The following LYPD6B variants were observed in gnomAD, a reference collection of about 807,000 sequenced individuals.
LYPD6B encodes LY6/PLAUR domain containing 6B.
LYPD6B carries 17 observed loss-of-function variants against 22.8 expected under a neutral mutation model. The observed-to-expected ratio is 0.75, with a 90% CI of 0.51 to 1.12. LYPD6B has a LOEUF of 1.12. Among genes scored for constraint, LYPD6B ranks in the 50% most tolerant of loss-of-function variants. LYPD6B has a pLI of 0.00. For missense variants in LYPD6B, 221 were observed against 258.3 expected, an observed-to-expected ratio of 0.86 and a Z score of 0.99; for synonymous variants, 106 against 91.6, an observed-to-expected ratio of 1.16 and a Z score of -0.90.
At chr2:149,042,383 T>C (rs1174878197) in intron 1 of LYPD6B, among the ~76,000 whole-genome samples, 1 of 152,230 alleles carries the variant, frequency 6.6e-6, no homozygotes, top group Non-Finnish European at 1.5e-5. Context: ...CAACCAAGGA[T>C]GCCGCTTCTC....
In LYPD6B at chr2:149,050,487, G is replaced by C. The variant is rs552403971; in HGVS notation, c.-67+11686G>C. On this transcript the variant is annotated intron_variant, in intron 1 of 6. Coordinates refer to ENST00000409642, the MANE Select transcript of LYPD6B (RefSeq NM_177964.5). Reference sequence around the variant, plus strand: ...TGCATTTTGGGACTATTTCACTAGGGTGAAAAACAGAAAATGAAGTACATT... The same window carrying C: ...TGCATTTTGGGACTATTTCACTAGGCTGAAAAACAGAAAATGAAGTACATT... Among the ~76,000 whole-genome samples the C allele has an allele frequency of 3.3e-5, 5 of 152,228 alleles. No individual in the cohort carries two copies. The East Asian group carries it at 9.6e-4, about 29-fold the overall frequency.
At chr2:149,092,334 T>C (rs1351461753) in intron 1 of LYPD6B, among the ~76,000 whole-genome samples, 2 of 152,084 alleles carry the variant, frequency 1.3e-5, no homozygotes, top group African/African-American at 2.4e-5. Context: ...GTAGGCTCTG[T>C]GAATGTGGTG....
chr2:149,188,069 C>T (rs1692238129), intron 3 of LYPD6B, among the ~76,000 whole-genome samples: 1 of 152,150 alleles, frequency 6.6e-6, no homozygotes, highest in African/African-American at 2.4e-5. Context: ...GATTCAATGA[C>T]TAGGGAAGCA....
At chr2:149,057,879 T>C (rs1346242630) in intron 1 of LYPD6B, among the ~76,000 whole-genome samples, 1 of 152,182 alleles carries the variant, frequency 6.6e-6, no homozygotes, top group Non-Finnish European at 1.5e-5. Flanking sequence ...CCCTGTGATG[T>C]GTGATGAATG....
intron 3 of LYPD6B, among the ~76,000 whole-genome samples, chr2:149,191,272 C>T (rs1350349960): frequency 6.6e-6 from 1 of 151,892 alleles, no homozygotes; most frequent in African/African-American, 2.4e-5. Flanking sequence ...AAGATAACAA[C>T]AATTCTTTAA....
At chr2:149,100,186 A>T (rs757552437) in intron 1 of LYPD6B, among the ~76,000 whole-genome samples, 3 of 152,080 alleles carry the variant, frequency 2.0e-5, no homozygotes, top group Admixed American at 6.6e-5. Context: ...ATCATCGAAC[A>T]TAGCCCCTTG....
At chr2:149,075,639 C>A (rs1311727244) in intron 1 of LYPD6B, among the ~76,000 whole-genome samples, 1 of 152,074 alleles carries the variant, frequency 6.6e-6, no homozygotes, top group Non-Finnish European at 1.5e-5. Flanking sequence ...TTAGAAGAAC[C>A]TATAACTAAT....
intron 4 of LYPD6B, 116 bp downstream of exon 4, chr2:149,205,520 A>AG: frequency 5.4e-6 from 6 of 1,104,852 alleles, no homozygotes; most frequent in Non-Finnish European, 6.5e-6. Flanking sequence ...TTTTATCCCT[A>AG]GAATAAAACA....
At chr2:149,056,779 TG>T (rs1392670417) in intron 1 of LYPD6B, among the ~76,000 whole-genome samples, 1 of 152,192 alleles carries the variant, frequency 6.6e-6, no homozygotes, top group African/African-American at 2.4e-5. Context: ...ATCTTCAATA[TG>T]ACTCGTCTAG....
intron 2 of LYPD6B, among the ~76,000 whole-genome samples, chr2:149,150,010 C>T (rs949325726): frequency 2.0e-5 from 3 of 152,166 alleles, no homozygotes; most frequent in Non-Finnish European, 4.4e-5. Flanking sequence ...TATCAAAAGG[C>T]TCTAGTTAAA....
Position 149,160,786 on chromosome 2 carries a change from CT to C in LYPD6B, c.32del (p.Phe11SerfsTer8). On this transcript the variant is annotated frameshift_variant, in exon 3 of 7. Coordinates refer to ENST00000409642, the MANE Select transcript of LYPD6B (RefSeq NM_177964.5). LOFTEE classifies it high-confidence loss of function. ...TAGGCTGATTACTCTGAGTGCAAAC[CT>C]TTTCACTGTTCCAGAGAGGAGCCTG... MLLITLSAN[L>X]FTVPERSLTT... The C allele has an allele frequency of 6.4e-7, 1 of 1,556,332 alleles. No individual in the cohort carries two copies.
intron 3 of LYPD6B, among the ~76,000 whole-genome samples, chr2:149,169,487 T>A (rs1409550822): frequency 3.3e-5 from 5 of 152,210 alleles, no homozygotes; most frequent in Non-Finnish European, 5.9e-5. Flanking sequence ...CTGTTCCTTG[T>A]CAACATATGT....
chr2:149,199,978 G>A (rs1279518324), intron 3 of LYPD6B, among the ~76,000 whole-genome samples: 1 of 152,192 alleles, frequency 6.6e-6, no homozygotes, highest in Non-Finnish European at 1.5e-5. Context: ...CAAGTAAATG[G>A]TAAACTTTTC....
At chr2:149,169,901 C>G (rs1246443907) in intron 3 of LYPD6B, among the ~76,000 whole-genome samples, 2 of 152,316 alleles carry the variant, frequency 1.3e-5, no homozygotes, top group Admixed American at 6.5e-5. Flanking sequence ...TACCACTCCC[C>G]CTGAGTCATC....
intron 3 of LYPD6B, among the ~76,000 whole-genome samples, chr2:149,173,425 A>T (rs1411256004): frequency 7.5e-6 from 1 of 132,934 alleles, no homozygotes; most frequent in Non-Finnish European, 1.5e-5. Flanking sequence ...TTGTGCCATC[A>T]GTAAGTTTGA....
chr2:149,170,284 T>C (rs1207686781), intron 3 of LYPD6B, among the ~76,000 whole-genome samples: 3 of 152,226 alleles, frequency 2.0e-5, no homozygotes, highest in Admixed American at 2.0e-4. Context: ...AGTAAACCTT[T>C]TTTCAGGCCT....
chr2:149,214,190 G>C (rs1425781179), intron 6 of LYPD6B, among the ~76,000 whole-genome samples: 2 of 152,152 alleles, frequency 1.3e-5, no homozygotes, highest in Admixed American at 1.3e-4. Flanking sequence ...TAATCCGAAA[G>C]GTTCCTAGCT....
At chr2:149,059,787 C>T (rs551553205) in intron 1 of LYPD6B, among the ~76,000 whole-genome samples, 1 of 152,188 alleles carries the variant, frequency 6.6e-6, no homozygotes, top group Non-Finnish European at 1.5e-5. Context: ...GTCCTTAGTG[C>T]TCTGTAGAGA....
Position 149,213,118 on chromosome 2 carries a change from A to G in LYPD6B, c.455A>G (p.His152Arg), listed in dbSNP as rs958711409. ...VGCHHSRDSE[H>R]TECRSCCEGM... is the part of the protein sequence containing the mutation. ...TGCCACCACAGCCGAGATTCTGAAC[A>G]TACGGTAAGGATCGTGTGTGTGTGT... Residue 152 changes from histidine to arginine, a missense_variant, in exon 6 of 7, where the codon CAT (histidine) becomes CGT (arginine). By Grantham distance (29) the His-to-Arg change is conservative. Coordinates refer to ENST00000409642, the MANE Select transcript of LYPD6B (RefSeq NM_177964.5). 6.2e-7 allele frequency: 1 copy of G among 1,612,158 alleles called. No individual in the cohort carries two copies. Among genetic ancestry groups the G allele is most frequent in the Non-Finnish European group, 8.5e-7 (1 of 1,179,104 alleles).
Sources: gnomAD v4.1 joint callset for allele counts (sites outside exome capture counted in the v4.1 genomes callset) on GRCh38, gnomAD v4.1.1 for gene constraint, MANE v1.5 for transcripts, NCBI Gene and HGNC (gene_info 2026-07-23, HGNC 2026-07-21) for gene names.